The following ACTL8 variants were observed in gnomAD, a reference collection of about 807,000 sequenced individuals.
ACTL8 encodes the protein actin-like protein 8.
A neutral mutation model predicts 9.3 loss-of-function variants in ACTL8; 3 were observed. The observed-to-expected ratio is 0.32, with a 90% CI of 0.15 to 0.83. ACTL8 has a LOEUF of 0.83. Ranked by LOEUF, ACTL8 falls within the 40% of genes least tolerant of loss-of-function variation. ACTL8 has a pLI of 0.57. For synonymous variants in ACTL8, 224 were observed against 205.9 expected, an observed-to-expected ratio of 1.09 and a Z score of -0.75; for missense variants, 381 against 492.2, an observed-to-expected ratio of 0.77 and a Z score of 2.14.
At chr1:17,792,842 C>T (rs1222438450) in intron 1 of ACTL8, among the ~76,000 whole-genome samples, 1 of 152,168 alleles carries the variant, frequency 6.6e-6, no homozygotes, top group East Asian at 1.9e-4. Flanking sequence ...ACCCTGTTAT[C>T]ATCCAGGGAG....
rs2053727865 is a variant in ACTL8, at chr1:17,826,833, T to C, written c.*314T>C. ...GAGAGCCACTGATTTTTCATTGGCA[T>C]TTCCCCTGGTTTGTCTCATTCTTCT... On this transcript the variant is annotated 3_prime_UTR_variant, in exon 3 of 3. Coordinates refer to ENST00000375406, the MANE Select transcript of ACTL8 (RefSeq NM_030812.3). The surrounding 1 kb of genome is among the most constrained non-coding windows in gnomAD (Gnocchi z 4.5). 1 of 212,232 alleles carries C rather than the reference T, an allele frequency of 4.7e-6. No individual in the cohort carries two copies. The highest frequency in any genetic ancestry group is 5.4e-5 in the Admixed American group (1 of 18,406). The allele number at this position is 212,232 out of a possible 1,614,324, so 13.1% of individuals were successfully genotyped here.
chr1:17,779,120 T>A (rs1442644602), intron 1 of ACTL8, among the ~76,000 whole-genome samples: 1 of 152,174 alleles, frequency 6.6e-6, no homozygotes, highest in Non-Finnish European at 1.5e-5. Flanking sequence ...AGATTCCAGA[T>A]GTGCTAAACG....
At chr1:17,778,136 T>C (rs976114313) in intron 1 of ACTL8, among the ~76,000 whole-genome samples, 12 of 152,120 alleles carry the variant, frequency 7.9e-5, no homozygotes, top group African/African-American at 2.4e-4. Context: ...TGGGGAACAG[T>C]TGGGAATTGC....
intron 1 of ACTL8, among the ~76,000 whole-genome samples, chr1:17,817,705 C>CTTTT (rs34283487): frequency 1.3e-5 from 2 of 148,628 alleles, no homozygotes; most frequent in Non-Finnish European, 1.5e-5. Context: ...TTCTTTCTTT[C>CTTTT]TTTTCTTTTT....
In ACTL8 at chr1:17,823,206, C is replaced by T. The variant is rs1189129933; in HGVS notation, c.198C>T (p.Pro66=). Residue 66 remains proline (P), a synonymous_variant, in exon 2 of 3, where the codon CCC becomes CCT. Transcript: ENST00000375406. The surrounding 1 kb of genome is among the most constrained non-coding windows in gnomAD (Gnocchi z 5.3). ...DICHPDTFSY[P]IERGRILNWE... is the part of the protein sequence containing the mutation. ...GCCATCCTGACACCTTTAGCTACCC[C>T]ATCGAGCGGGGCCGCATCCTCAACT... 6.2e-7 allele frequency: 1 copy of T among 1,614,098 alleles called. No homozygotes were observed. The highest frequency in any genetic ancestry group is 8.5e-7 in the Non-Finnish European group (1 of 1,180,056).
At chr1:17,801,666 T>C (rs2066323510) in intron 1 of ACTL8, among the ~76,000 whole-genome samples, 1 of 152,128 alleles carries the variant, frequency 6.6e-6, no homozygotes, top group South Asian at 2.1e-4. Context: ...GCATACAAAA[T>C]TAAACTTTTA....
At chr1:17,763,878 C>T (rs114146541) in intron 1 of ACTL8, among the ~76,000 whole-genome samples, 4,711 of 152,204 alleles carry the variant, frequency 0.031, 113 homozygotes, top group South Asian at 0.058. Context: ...ACAGGGGTTG[C>T]GATGGAGCTC....
intron 1 of ACTL8, among the ~76,000 whole-genome samples, chr1:17,799,424 C>T (rs7539153): frequency 0.16 from 24,879 of 151,488 alleles, 2,781 homozygotes; most frequent in African/African-American, 0.31. Flanking sequence ...TGAATGGATG[C>T]GTTTATACAC....
chr1:17,784,383 T>C (rs1308794), intron 1 of ACTL8, among the ~76,000 whole-genome samples: 56,621 of 151,966 alleles, frequency 0.37, 10,875 homozygotes, highest in Middle Eastern at 0.48. Context: ...CAACAGGAGA[T>C]TTGGGTGGGA....
At chr1:17,761,134 ATTTTTTTTTTT>A (rs935834059) in intron 1 of ACTL8, among the ~76,000 whole-genome samples, 1 of 131,392 alleles carries the variant, frequency 7.6e-6, no homozygotes, top group African/African-American at 2.8e-5. Flanking sequence ...TTGCGGCTTA[ATTTTTTTTTTT>A]TTTTTTTTTT....
chr1:17,819,033 G>C (rs940615775), intron 1 of ACTL8, among the ~76,000 whole-genome samples: 5 of 152,274 alleles, frequency 3.3e-5, no homozygotes, highest in Admixed American at 6.5e-5. Context: ...CATGTGCCAG[G>C]GGAAGAATGG....
intron 1 of ACTL8, among the ~76,000 whole-genome samples, chr1:17,813,474 G>C (rs1397185325): frequency 6.6e-6 from 1 of 152,192 alleles, no homozygotes; most frequent in African/African-American, 2.4e-5. Flanking sequence ...ATTCCTGGGA[G>C]AAGCCCCATT....
intron 1 of ACTL8, among the ~76,000 whole-genome samples, chr1:17,763,358 C>CGT (rs74485279): frequency 0.27 from 40,846 of 151,898 alleles, 6,245 homozygotes; most frequent in Admixed American, 0.37. Flanking sequence ...GACGGGGTAG[C>CGT]GTGGGGGTGC....
chr1:17,823,330 C>A lies in ACTL8; in HGVS notation c.322C>A (p.Pro108Thr), dbSNP rs1481535627. 2.5e-6 allele frequency: 4 copies of A among 1,613,280 alleles called. No individual in the cohort carries two copies. Among genetic ancestry groups the A allele is most frequent in the Non-Finnish European group, 3.4e-6 (4 of 1,179,662 alleles). Residue 108 changes from proline to threonine, a missense_variant, in exon 2 of 3, where the codon CCT becomes ACT. Pro to Thr is a conservative substitution (Grantham distance 38). This residue lies in a region of ACTL8 where 125 missense variants were observed against 180.7 expected (regional missense o/e 0.69). Transcript: ENST00000375406. This position sits in a 1 kb window ranked among gnomAD's most constrained non-coding sequence, Gnocchi z 5.3. ...VIITETPLRE[P>T]ADRKKMLEIL... ...CATCACGGAGACACCCTTGAGGGAG[C>A]CTGCGGACCGAAAGAAGATGCTGGA...
chr1:17,820,733 A>T (rs892274307), intron 1 of ACTL8, among the ~76,000 whole-genome samples: 1 of 151,962 alleles, frequency 6.6e-6, no homozygotes, highest in African/African-American at 2.4e-5. Context: ...ACGCCCAGCT[A>T]ATTTTTTTTG....
chr1:17,772,298 G>A (rs1437333835), intron 1 of ACTL8, among the ~76,000 whole-genome samples: 1 of 152,176 alleles, frequency 6.6e-6, no homozygotes, highest in Non-Finnish European at 1.5e-5. Flanking sequence ...TATGAGCGGT[G>A]GGAGGGTCTT....
At chr1:17,791,230 C>T (rs1051790783) in intron 1 of ACTL8, among the ~76,000 whole-genome samples, 4 of 152,162 alleles carry the variant, frequency 2.6e-5, no homozygotes, top group African/African-American at 7.2e-5. Context: ...CTGCTTGTCC[C>T]CAGCTCCCGC....
intron 1 of ACTL8, among the ~76,000 whole-genome samples, chr1:17,816,967 CA>C (rs1424355700): frequency 1.3e-5 from 2 of 152,206 alleles, no homozygotes; most frequent in Non-Finnish European, 2.9e-5. Flanking sequence ...TCACCCTCTG[CA>C]GGTTGCTTCT....
Position 17,785,934 on chromosome 1 carries a change from A to G in ACTL8, c.-25+30430A>G, listed in dbSNP as rs903222295. Among the ~76,000 whole-genome samples the G allele has an allele frequency of 5.3e-5, 8 of 152,098 alleles. 1 individual carries two copies. Among genetic ancestry groups the G allele is most frequent in the Admixed American group, 1.3e-4 (2 of 15,276 alleles). On this transcript the variant is annotated intron_variant, in intron 1 of 2. Transcript: ENST00000375406. ...TGGTGACTGGGCTGTGTTCTCATCT[A>G]GAGGCTGGAGTTGGGAGAGAAGTGC... is the stretch of plus-strand genomic sequence containing the variant.
Sources: gnomAD v4.1 joint callset for allele counts (sites outside exome capture counted in the v4.1 genomes callset) on GRCh38, gnomAD v4.1.1 for gene constraint, gnomAD v4.1.1 regional missense constraint, Gnocchi (gnomAD v3.1) non-coding constraint, MANE v1.5 for transcripts, NCBI Gene and HGNC (gene_info 2026-07-23, HGNC 2026-07-21) for gene names.